Variants in SCAI observed in about 807,000 individuals in gnomAD.
The protein encoded by SCAI is suppressor of cancer cell invasion.
A neutral mutation model predicts 92.2 loss-of-function variants in SCAI; 24 were observed. The observed-to-expected ratio is 0.26, with a 90% CI of 0.19 to 0.37. SCAI has a LOEUF of 0.37. Ranked by LOEUF, SCAI falls within the 10% of genes least tolerant of loss-of-function variation. The pLI, the probability that SCAI is intolerant of heterozygous loss-of-function variation, is 1.00. For missense variants in SCAI, 450 were observed against 736.2 expected, an observed-to-expected ratio of 0.61 and a Z score of 4.50; for synonymous variants, 261 against 258.6, an observed-to-expected ratio of 1.01 and a Z score of -0.09.
Position 125,098,269 on chromosome 9 carries a change from C to T in SCAI, c.99-42262G>A, listed in dbSNP as rs1465469042. Among the ~76,000 whole-genome samples, 10 of 151,976 alleles carry T rather than the reference C, an allele frequency of 6.6e-5. No individual in the cohort carries two copies. The East Asian group carries it at 1.9e-3, about 29-fold the overall frequency. ...ACTGGGTCTTGCTATGTTGTCCAGG[C>T]CAGTCTCAAACTCCTGGCCTCAAGC... On this transcript the variant is annotated intron_variant, in intron 2 of 17. Coordinates refer to ENST00000336505, the MANE Select transcript of SCAI (RefSeq NM_001144877.3).
chr9:125,026,108 C>T (rs901840326), intron 6 of SCAI, among the ~76,000 whole-genome samples: 8 of 152,158 alleles, frequency 5.3e-5, no homozygotes, highest in Non-Finnish European at 7.4e-5. Flanking sequence ...TGGTGGCTCA[C>T]GCCTGTAATC....
intron 9 of SCAI, 61 bp from the exon 10 acceptor site, chr9:125,003,631 C>CT (rs1301468205): frequency 9.8e-7 from 1 of 1,021,498 alleles, no homozygotes; most frequent in Non-Finnish European, 1.5e-6. Context: ...ACTTTAAAGA[C>CT]TTTTATCACG....
intron 17 of SCAI, among the ~76,000 whole-genome samples, chr9:124,956,174 T>C (rs1275399349): frequency 2.0e-5 from 3 of 152,104 alleles, no homozygotes; most frequent in Non-Finnish European, 4.4e-5. Context: ...AAGGACAATA[T>C]ATGACCACAA....
intron 14 of SCAI, among the ~76,000 whole-genome samples, chr9:124,988,623 G>A (rs1379307679): frequency 6.6e-6 from 1 of 151,996 alleles, no homozygotes; most frequent in Non-Finnish European, 1.5e-5. Context: ...AGAAGATAAA[G>A]ATGAGGGGAT....
At chr9:125,043,888 T>TA (rs1833381857) in intron 3 of SCAI, among the ~76,000 whole-genome samples, 1 of 152,104 alleles carries the variant, frequency 6.6e-6, no homozygotes, top group African/African-American at 2.4e-5. Flanking sequence ...CCGGGCCACC[T>TA]ACTGAGTTGG....
At chr9:125,100,137 C>A (rs1485922446) in intron 2 of SCAI, among the ~76,000 whole-genome samples, 1 of 152,208 alleles carries the variant, frequency 6.6e-6, no homozygotes, top group Non-Finnish European at 1.5e-5. Context: ...TTTTAAAGCA[C>A]AAATATCAGT....
chr9:124,960,272 A>T (rs1202576825), intron 17 of SCAI, among the ~76,000 whole-genome samples: 1 of 152,180 alleles, frequency 6.6e-6, no homozygotes, highest in Non-Finnish European at 1.5e-5. Flanking sequence ...TCTCTCACCC[A>T]GGCTGGAATG....
chr9:125,048,550 GAAGA>G (rs940528991), intron 3 of SCAI, among the ~76,000 whole-genome samples: 22 of 151,582 alleles, frequency 1.5e-4, no homozygotes, highest in African/African-American at 5.1e-4. Flanking sequence ...AGGGAGGAAA[GAAGA>G]AAAGAGAAGA....
At chr9:125,077,428 T>G (rs1834113296) in intron 2 of SCAI, among the ~76,000 whole-genome samples, 1 of 152,238 alleles carries the variant, frequency 6.6e-6, no homozygotes, top group Non-Finnish European at 1.5e-5. Flanking sequence ...TACAAGATTT[T>G]GTATAGACAT....
chr9:125,027,572 T>G (rs915039711), intron 5 of SCAI, among the ~76,000 whole-genome samples: 13 of 152,152 alleles, frequency 8.5e-5, no homozygotes. Context: ...CAGGCTGGAG[T>G]GCCAATGGCA....
intron 3 of SCAI, among the ~76,000 whole-genome samples, chr9:125,040,038 T>A (rs1234345645): frequency 6.6e-6 from 1 of 152,230 alleles, no homozygotes; most frequent in Non-Finnish European, 1.5e-5. Flanking sequence ...CTTTCAACTT[T>A]ATTCCCCACA....
At chr9:125,026,764 G>A in intron 6 of SCAI, 48 bp downstream of exon 6, 1 of 958,778 alleles carries the variant, frequency 1.0e-6, no homozygotes. Flanking sequence ...CGAAGATTAA[G>A]ACTGAATGTT....
chr9:124,956,680 T>A (rs1451295756), intron 17 of SCAI, among the ~76,000 whole-genome samples: 1 of 152,154 alleles, frequency 6.6e-6, no homozygotes, highest in Non-Finnish European at 1.5e-5. Context: ...TGAGAAAGGG[T>A]ATCTATGAAT....
At chr9:125,092,385 G>A (rs983213890) in intron 2 of SCAI, among the ~76,000 whole-genome samples, 3 of 151,776 alleles carry the variant, frequency 2.0e-5, no homozygotes, top group African/African-American at 4.8e-5. Context: ...TCCAGGAGTC[G>A]GAGGCTACAG....
At chr9:124,999,114 C>A (rs1832304678) in intron 13 of SCAI, among the ~76,000 whole-genome samples, 1 of 151,862 alleles carries the variant, frequency 6.6e-6, no homozygotes, top group Admixed American at 6.6e-5. Context: ...TGTGGCCGGG[C>A]ACGGTGGCTC....
intron 6 of SCAI, among the ~76,000 whole-genome samples, chr9:125,021,512 G>A (rs1832869408): frequency 6.6e-6 from 1 of 152,062 alleles, no homozygotes; most frequent in African/African-American, 2.4e-5. Context: ...GTGATTGCTA[G>A]GAGTAACAAC....
intron 2 of SCAI, among the ~76,000 whole-genome samples, chr9:125,132,280 GTTTT>G (rs1170205466): frequency 6.6e-6 from 1 of 151,868 alleles, no homozygotes; most frequent in African/African-American, 2.4e-5. Context: ...CGCCTGGCTA[GTTTT>G]TGTATTTCTA....
rs193193418 is a variant in SCAI, at chr9:124,989,302, C to T, written c.1326+5632G>A. Among the ~76,000 whole-genome samples, 9 of 152,188 alleles carry T rather than the reference C, an allele frequency of 5.9e-5. No homozygotes were observed. The South Asian group carries it at 8.3e-4, about 14-fold the overall frequency. On this transcript the variant is annotated intron_variant, in intron 14 of 17. Coordinates refer to ENST00000336505, the MANE Select transcript of SCAI (RefSeq NM_001144877.3). ...CATGCTTCTTAAGAAATATTGGGCT[C>T]GGCGCCGTGGCTCAGGCTGAGCATG...
intron 2 of SCAI, among the ~76,000 whole-genome samples, chr9:125,062,884 G>C (rs1177097771): frequency 2.0e-5 from 3 of 151,868 alleles, no homozygotes; most frequent in African/African-American, 7.3e-5. Flanking sequence ...GCTGGGCATG[G>C]TGGCGCGTGC....
Sources: allele counts gnomAD v4.1 joint callset (sites outside exome capture counted in the v4.1 genomes callset), GRCh38; gene constraint gnomAD v4.1.1; transcripts MANE v1.5; gene names NCBI Gene and HGNC (gene_info 2026-07-23, HGNC 2026-07-21).